Variants in KIR3DL3 observed in about 807,000 individuals in gnomAD.
KIR3DL3 encodes killer cell immunoglobulin-like receptor 3DL3.
KIR3DL3 carries 27 observed loss-of-function variants against 34.9 expected under a neutral mutation model. The ratio of observed to expected loss-of-function variants is 0.77; its 90% CI spans 0.57 to 1.07. The LOEUF is 1.07. KIR3DL3 is among the 50% of genes least tolerant of loss of function. The pLI is 0.00. For missense variants in KIR3DL3, 681 were observed against 528.5 expected, an observed-to-expected ratio of 1.29 and a Z score of -2.83; for synonymous variants, 217 against 200.2, an observed-to-expected ratio of 1.08 and a Z score of -0.71.
chr19:54,728,348 T>C lies in KIR3DL3; in HGVS notation c.655+438T>C, dbSNP rs1242157145. 2.6e-4 allele frequency among the ~76,000 whole-genome samples: 39 copies of C among 147,752 alleles called. 1 individual carries two copies. Among genetic ancestry groups the C allele is most frequent in the South Asian group, 2.0e-3 (9 of 4,464 alleles). On this transcript the variant is annotated intron_variant, in intron 4 of 7. Coordinates refer to ENST00000291860, the MANE Select transcript of KIR3DL3 (RefSeq NM_153443.5). ...GCCCCAGGCTGGTGGCACCTACAGA[T>C]GTTGTGTTTATTCTTAAACCTCTGC... is the stretch of plus-strand genomic sequence containing the variant.
chr19:54,735,278 G>A lies in KIR3DL3; in HGVS notation c.975G>A (p.Leu325=). The A allele has an allele frequency of 6.6e-7, 1 of 1,523,742 alleles. No individual in the cohort carries two copies. Among genetic ancestry groups the A allele is most frequent in the Non-Finnish European group, 9.0e-7 (1 of 1,105,860 alleles). The allele number at this position is 1,523,742 out of a possible 1,614,324, so 94.4% of individuals were successfully genotyped here. ...VTGNSRNLHV[L]IGTSVVIIPF... is the part of the protein sequence containing the mutation. ...GTAACTCCAGAAACCTGCACGTTCTGATTGGGACCTCAGTGGTCATCATCC... is the reference window on the plus strand; with the variant it reads ...GTAACTCCAGAAACCTGCACGTTCTAATTGGGACCTCAGTGGTCATCATCC... Residue 325 remains leucine (L), a synonymous_variant, in exon 6 of 8, where the codon CTG becomes CTA. Coordinates refer to ENST00000291860, the MANE Select transcript of KIR3DL3 (RefSeq NM_153443.5).
At chr19:54,728,619 A>T (rs1447917968) in intron 4 of KIR3DL3, among the ~76,000 whole-genome samples, 6 of 152,216 alleles carry the variant, frequency 3.9e-5, no homozygotes, top group African/African-American at 1.4e-4. Context: ...GAAGAAGGGA[A>T]TTGAGAGACT....
At chr19:54,727,109 C>A (rs2068267273) in intron 3 of KIR3DL3, among the ~76,000 whole-genome samples, 1 of 137,488 alleles carries the variant, frequency 7.3e-6, no homozygotes, top group South Asian at 2.4e-4. Context: ...CTCCTGGAAC[C>A]AGCACCAGGG....
In KIR3DL3 at chr19:54,726,297, G is replaced by T; in HGVS notation, c.315G>T (p.Gly105=). ...CCSSHPHSPT[G]WSAPSNPVVI... is the part of the protein sequence containing the mutation. ...GTTCACACCCACACTCCCCCACTGGGTGGTCGGCACCCAGCAACCCTGTGG... is the reference window on the plus strand; with the variant it reads ...GTTCACACCCACACTCCCCCACTGGTTGGTCGGCACCCAGCAACCCTGTGG... Residue 105 remains glycine, a synonymous_variant, in exon 3 of 8, where the codon GGG becomes GGT. Coordinates refer to ENST00000291860, the MANE Select transcript of KIR3DL3 (RefSeq NM_153443.5). The T allele has an allele frequency of 6.2e-7, 1 of 1,613,920 alleles. No individual in the cohort carries two copies. Among genetic ancestry groups the T allele is most frequent in the Non-Finnish European group, 8.5e-7 (1 of 1,179,964 alleles).
intron 3 of KIR3DL3, among the ~76,000 whole-genome samples, chr19:54,726,690 G>A (rs1398475061): frequency 6.8e-6 from 1 of 146,296 alleles, no homozygotes; most frequent in Admixed American, 7.1e-5. Context: ...AGAGGAAAGT[G>A]GGGTTAGAGC....
chr19:54,725,836 A>C (rs1444619893), intron 2 of KIR3DL3, among the ~76,000 whole-genome samples: 6 of 152,096 alleles, frequency 3.9e-5, no homozygotes, highest in Non-Finnish European at 8.8e-5. Context: ...GTTAAAATCT[A>C]GTAAGAGTCG....
At position 54,728,051 on chromosome 19, in the gene KIR3DL3, A is replaced by C. The variant is rs1351296667; in HGVS notation, c.655+141A>C. ...GTGACTTGGTGAGGTCTGTACCAAC[A>C]AAGGCAGAGAAACAGGAGACACAAG... On this transcript the variant is annotated intron_variant, in intron 4 of 7. Coordinates refer to ENST00000291860, the MANE Select transcript of KIR3DL3 (RefSeq NM_153443.5). The C allele has an allele frequency of 7.3e-6, 6 of 819,410 alleles. No individual in the cohort carries two copies. The South Asian group carries it at 8.6e-5, about 12-fold the overall frequency. The allele number at this position is 819,410 out of a possible 1,614,324, so 50.8% of individuals were successfully genotyped here.
At chr19:54,725,924 C>T (rs1455010612) in intron 2 of KIR3DL3, 129 bp from the exon 3 acceptor site, 3 of 840,990 alleles carry the variant, frequency 3.6e-6, no homozygotes, top group Admixed American at 4.5e-5. Context: ...ATGGGTCCTT[C>T]CTGTAGCCCT....
chr19:54,731,228 A>C (rs2068757457), intron 5 of KIR3DL3, among the ~76,000 whole-genome samples: 1 of 151,618 alleles, frequency 6.6e-6, no homozygotes, highest in Admixed American at 6.6e-5. Context: ...CTGCTCTTCA[A>C]CTCCTGACCT....
intron 3 of KIR3DL3, 97 bp downstream of exon 3, chr19:54,726,434 G>C: frequency 7.0e-7 from 1 of 1,432,986 alleles, no homozygotes; most frequent in Non-Finnish European, 9.4e-7. Flanking sequence ...TCCAGGCCCC[G>C]ACTGTATTTG....
intron 2 of KIR3DL3, 58 bp downstream of exon 2, chr19:54,725,340 A>G: frequency 1.5e-6 from 2 of 1,302,332 alleles, no homozygotes; most frequent in Non-Finnish European, 2.1e-6. Flanking sequence ...GATGCTCCTG[A>G]AACGGGAGGC....
intron 4 of KIR3DL3, among the ~76,000 whole-genome samples, chr19:54,728,995 A>T (rs1487829261): frequency 8.1e-6 from 1 of 123,852 alleles, no homozygotes; most frequent in Non-Finnish European, 1.9e-5. Context: ...ATATAGAGAG[A>T]TAGAAAGACA....
chr19:54,725,064 ACGGAGG>A (rs2068008315), intron 1 of KIR3DL3, among the ~76,000 whole-genome samples, 177 bp from the exon 2 acceptor site: 1 of 100,534 alleles, frequency 9.9e-6, no homozygotes. Flanking sequence ...GAGATATAGG[ACGGAGG>A]TGGAGATATA....
chr19:54,729,789 G>A lies in KIR3DL3; in HGVS notation c.949+3G>A. 2 of 1,595,694 alleles carry A rather than the reference G, an allele frequency of 1.3e-6. No individual in the cohort carries two copies. Among genetic ancestry groups the A allele is most frequent in the East Asian group, 2.3e-5 (1 of 44,200 alleles). On this transcript the variant is annotated splice_donor_region_variant and intron_variant, in intron 5 of 7. Transcript: ENST00000291860. ...CCCACTGCCCGTTTCTGTCACAGGT[G>A]AGAAAACACCATGCCTGTCCCATGT...
Position 54,724,483 on chromosome 19 carries a change from G to A in KIR3DL3, c.-14G>A. ...TGAGCTGGGGCGCAGCCGCCTGTCT[G>A]CACCGGCAGCACCATGTCGCTCATG... On this transcript the variant is annotated 5_prime_UTR_variant, in exon 1 of 8. Coordinates refer to ENST00000291860, the MANE Select transcript of KIR3DL3 (RefSeq NM_153443.5). The A allele has an allele frequency of 2.5e-6, 4 of 1,613,196 alleles. No homozygotes were observed. The highest frequency in any genetic ancestry group is 3.4e-6 in the Non-Finnish European group (4 of 1,180,008).
intron 5 of KIR3DL3, among the ~76,000 whole-genome samples, chr19:54,731,725 C>T (rs1470005171): frequency 1.3e-5 from 2 of 152,128 alleles, no homozygotes; most frequent in Non-Finnish European, 2.9e-5. Flanking sequence ...GAGGCTCCCA[C>T]GTTCCTGGGC....
Position 54,736,025 on chromosome 19 carries a change from G to A in KIR3DL3, c.1162G>A (p.Val388Ile), listed in dbSNP as rs564097015. The A allele has an allele frequency of 4.6e-5, 75 of 1,613,662 alleles. No homozygotes were observed. In the African/African-American group the frequency reaches 5.2e-4, roughly 11 times the overall value. The change falls in exon 8 of 8, where the codon GTT becomes ATT. Residue 388 changes from valine (V) to isoleucine (I), a missense_variant. Physicochemically the swap from Val to Ile is conservative, Grantham distance 29. Transcript: ENST00000291860. ...GACATACGCACAGTTGAATCACTGC[G>A]TTTTCACACAGAGAAAAATCACTCG... ...EVTYAQLNHC[V>I]FTQRKITRPS...
intron 4 of KIR3DL3, among the ~76,000 whole-genome samples, chr19:54,728,202 C>T (rs1415172068): frequency 2.7e-5 from 4 of 150,026 alleles, no homozygotes; most frequent in Non-Finnish European, 5.9e-5. Flanking sequence ...TCCTTCTATG[C>T]TGACTTTGTT....
At chr19:54,732,969 C>G (rs1414865527) in intron 5 of KIR3DL3, among the ~76,000 whole-genome samples, 1 of 152,162 alleles carries the variant, frequency 6.6e-6, no homozygotes, top group Non-Finnish European at 1.5e-5. Context: ...TAACTGGAAT[C>G]TAGGAGACCG....
Sources: allele counts gnomAD v4.1 joint callset (sites outside exome capture counted in the v4.1 genomes callset), GRCh38; gene constraint gnomAD v4.1.1; transcripts MANE v1.5; gene names NCBI Gene and HGNC (gene_info 2026-07-23, HGNC 2026-07-21).